The following ADGRL3 variants were observed in gnomAD, a reference collection of about 807,000 sequenced individuals.
ADGRL3 encodes calcium-independent alpha-latrotoxin receptor 3.
ADGRL3 carries 62 observed loss-of-function variants against 153.5 expected under a neutral mutation model. That is an observed-to-expected ratio of 0.40 (90% confidence interval 0.33 to 0.50). The LOEUF (loss-of-function observed/expected upper bound fraction) is 0.50, where lower values mean the gene tolerates loss of function less well. Ranked by LOEUF, ADGRL3 falls within the 20% of genes least tolerant of loss-of-function variation. The probability of loss-of-function intolerance (pLI) is 0.47; values close to 1 mark genes in which losing one functional copy is unlikely to be tolerated. For synonymous variants in ADGRL3, 710 were observed against 672.5 expected, an observed-to-expected ratio of 1.06 and a Z score of -0.86; for missense variants, 1,641 against 1,859.4, an observed-to-expected ratio of 0.88 and a Z score of 2.16.
chr4:61,867,804 G>A (rs1380110943), intron 9 of ADGRL3, among the ~76,000 whole-genome samples: 2 of 151,702 alleles, frequency 1.3e-5, no homozygotes, highest in Non-Finnish European at 2.9e-5. Context: ...CTCAAACTGT[G>A]CATATTTATA....
At chr4:61,546,563 C>T (rs2098714650) in intron 4 of ADGRL3, among the ~76,000 whole-genome samples, 1 of 151,964 alleles carries the variant, frequency 6.6e-6, no homozygotes, top group African/African-American at 2.4e-5. Flanking sequence ...AATAGAAATA[C>T]CATATAATGC....
chr4:61,745,187 C>T (rs1212925056), intron 8 of ADGRL3, among the ~76,000 whole-genome samples: 2 of 152,104 alleles, frequency 1.3e-5, no homozygotes, highest in African/African-American at 2.4e-5. Flanking sequence ...AAGAAACAAA[C>T]TCCAAGAAAA....
chr4:61,937,770 C>T (rs924685503), intron 15 of ADGRL3, among the ~76,000 whole-genome samples: 2 of 152,168 alleles, frequency 1.3e-5, no homozygotes, highest in Non-Finnish European at 2.9e-5. Flanking sequence ...TCCATCTATA[C>T]ATCTATATAC....
intron 1 of ADGRL3, among the ~76,000 whole-genome samples, chr4:61,318,746 A>G (rs1322159562): frequency 6.6e-6 from 1 of 152,322 alleles, no homozygotes; most frequent in East Asian, 1.9e-4. Context: ...TATAGTGCAC[A>G]CCACACTTTT....
chr4:61,821,897 T>C lies in ADGRL3; in HGVS notation c.1480+8008T>C, dbSNP rs138061358. Reference sequence around the variant, plus strand: ...TAGTGCATCTATATTAGAAATAGGCTGTAGCCAAAGATTTACTATTACAAA... The same window carrying C: ...TAGTGCATCTATATTAGAAATAGGCCGTAGCCAAAGATTTACTATTACAAA... On this transcript the variant is annotated intron_variant, in intron 9 of 26. Transcript: ENST00000683033. Among the ~76,000 whole-genome samples the C allele has an allele frequency of 3.7e-4, 57 of 152,338 alleles. 1 individual carries two copies. The East Asian group carries it at 9.5e-3, about 25-fold the overall frequency.
rs937191672 is a variant in ADGRL3 at position 62,078,240 on chromosome 4, C to T, written c.*7332C>T. On this transcript the variant is annotated 3_prime_UTR_variant, in exon 27 of 27. Transcript: ENST00000683033. The stretch of plus-strand genomic sequence containing the variant: ...CAAGCTATTGGATATTTCCCTTGTA[C>T]AACCTTTACATCCTTTTTTTTTCCT... 6.6e-6 allele frequency: 1 copy of T among 151,820 alleles called. No individual in the cohort carries two copies. The highest frequency in any genetic ancestry group is 1.5e-5 in the Non-Finnish European group (1 of 67,834). The allele number at this position is 151,820 out of a possible 1,614,324, so 9.4% of individuals were successfully genotyped here.
At chr4:61,430,903 G>A (rs979152275) in intron 2 of ADGRL3, among the ~76,000 whole-genome samples, 1 of 152,156 alleles carries the variant, frequency 6.6e-6, no homozygotes, top group Non-Finnish European at 1.5e-5. Context: ...ATAACCTCAA[G>A]TTCAGGAAAG....
intron 9 of ADGRL3, among the ~76,000 whole-genome samples, chr4:61,863,953 T>C (rs368719807): frequency 1.3e-5 from 2 of 152,230 alleles, no homozygotes; most frequent in African/African-American, 4.8e-5. Flanking sequence ...TTGGTCAGAA[T>C]TGATTATTTC....
intron 5 of ADGRL3, among the ~76,000 whole-genome samples, chr4:61,613,830 G>T (rs1363824776): frequency 6.6e-6 from 1 of 152,058 alleles, no homozygotes; most frequent in African/African-American, 2.4e-5. Context: ...AGATGCAAAT[G>T]GGGGGAATAT....
intron 1 of ADGRL3, among the ~76,000 whole-genome samples, chr4:61,258,092 C>G (rs542307883): frequency 1.3e-5 from 2 of 152,166 alleles, no homozygotes; most frequent in African/African-American, 4.8e-5. Context: ...ACCTATCCCC[C>G]CCAGACTAAA....
intron 6 of ADGRL3, among the ~76,000 whole-genome samples, chr4:61,679,330 G>T (rs2095283669): frequency 6.6e-6 from 1 of 151,956 alleles, no homozygotes; most frequent in Non-Finnish European, 1.5e-5. Context: ...CTCCAACACT[G>T]GAGGTCACAT....
chr4:61,428,395 C>T (rs772299996), intron 2 of ADGRL3, among the ~76,000 whole-genome samples: 2 of 152,140 alleles, frequency 1.3e-5, no homozygotes, highest in Non-Finnish European at 2.9e-5. Flanking sequence ...TTACCTTGGC[C>T]TACTCTTGAC....
intron 8 of ADGRL3, among the ~76,000 whole-genome samples, chr4:61,771,887 C>T (rs1046066607): frequency 6.6e-6 from 1 of 152,192 alleles, no homozygotes; most frequent in African/African-American, 2.4e-5. Flanking sequence ...AAGAATGACA[C>T]ATGTAGACAA....
intron 1 of ADGRL3, among the ~76,000 whole-genome samples, chr4:61,270,423 A>G (rs1222592556): frequency 6.6e-6 from 1 of 151,816 alleles, no homozygotes; most frequent in Non-Finnish European, 1.5e-5. Flanking sequence ...CCCACACTGG[A>G]ATAATACTAT....
chr4:61,886,133 G>A (rs2098537411), intron 9 of ADGRL3, among the ~76,000 whole-genome samples: 1 of 152,004 alleles, frequency 6.6e-6, no homozygotes. Flanking sequence ...ATCTCGGGAG[G>A]CCATGGAGCC....
At chr4:61,616,283 G>A (rs1189197784) in intron 5 of ADGRL3, among the ~76,000 whole-genome samples, 1 of 152,060 alleles carries the variant, frequency 6.6e-6, no homozygotes, top group African/African-American at 2.4e-5. Flanking sequence ...CTGAAAATAT[G>A]TATGATAGAA....
chr4:61,803,062 T>C (rs2097518098), intron 8 of ADGRL3, among the ~76,000 whole-genome samples: 1 of 152,138 alleles, frequency 6.6e-6, no homozygotes, highest in African/African-American at 2.4e-5. Context: ...AGTGAGAATC[T>C]TTAAAACATT....
chr4:61,857,362 A>G (rs1400889535), intron 9 of ADGRL3, among the ~76,000 whole-genome samples: 1 of 152,136 alleles, frequency 6.6e-6, no homozygotes. Flanking sequence ...GTAAGTAAGG[A>G]AATAAGATTA....
intron 21 of ADGRL3, among the ~76,000 whole-genome samples, chr4:62,013,770 C>A (rs1392168568): frequency 6.6e-6 from 1 of 151,916 alleles, no homozygotes; most frequent in Non-Finnish European, 1.5e-5. Flanking sequence ...TGCCTGTAGT[C>A]CCAGCAACTC....
Sources: gnomAD v4.1 joint callset for allele counts (sites outside exome capture counted in the v4.1 genomes callset) on GRCh38, gnomAD v4.1.1 for gene constraint, MANE v1.5 for transcripts, NCBI Gene and HGNC (gene_info 2026-07-23, HGNC 2026-07-21) for gene names.